The following KIR2DL4 variants were observed in gnomAD, a reference collection of about 807,000 sequenced individuals.
The protein encoded by KIR2DL4 is killer cell immunoglobulin like receptor, two Ig domains and long cytoplasmic tail 4, also known as killer cell immunoglobulin-like receptor 2DL4.
Under a neutral mutation model 31.0 loss-of-function variants are expected in KIR2DL4, and 41 were observed. The ratio of observed to expected loss-of-function variants is 1.32; its 90% CI spans 1.03 to 1.72. The LOEUF is 1.72. Among genes scored for constraint, KIR2DL4 ranks in the 40% most tolerant of loss-of-function variants. The pLI, the probability that KIR2DL4 is intolerant of heterozygous loss-of-function variation, is 0.00. For synonymous variants in KIR2DL4, 164 were observed against 133.6 expected, an observed-to-expected ratio of 1.23 and a Z score of -1.57; for missense variants, 438 against 353.7, an observed-to-expected ratio of 1.24 and a Z score of -1.91.
At chr19:54,814,120 G>A in exon 8 of KIR2DL4, 5 of 1,609,268 alleles carry the variant, frequency 3.1e-6, no homozygotes, top group Non-Finnish European at 4.2e-6. Context: ...GAAGGCGTGA[G>A]TCTCCATCTT....
At chr19:54,813,724 C>G in exon 7 of KIR2DL4, 1 of 1,611,982 alleles carries the variant, frequency 6.2e-7, no homozygotes, top group Admixed American at 1.7e-5. Flanking sequence ...CTGCGGGACA[C>G]AGAACAGTGA....
chr19:54,806,178 G>C, exon 4 of KIR2DL4: 1 of 1,611,478 alleles, frequency 6.2e-7, no homozygotes, highest in Non-Finnish European at 8.5e-7. Context: ...CAGATGCTTC[G>C]GCTCTTTCCA....
Position 54,813,150 on chromosome 19 carries a change from GA to G in KIR2DL4, c.733del (p.Ile245LeufsTer46). ...GTATCGCCAGACACCTGCATGCTGT[GA>G]TTAGGTACTCAGTGGCCATCATCCT... On this transcript the variant is annotated frameshift_variant, in exon 6 of 8. Transcript: ENST00000359085. LOFTEE classifies it high-confidence loss of function. 2.0e-6 allele frequency: 3 copies of G among 1,519,120 alleles called. No homozygotes were observed. Among genetic ancestry groups the G allele is most frequent in the Non-Finnish European group, 2.7e-6 (3 of 1,113,648 alleles). The allele number at this position is 1,519,120 out of a possible 1,614,324, so 94.1% of individuals were successfully genotyped here.
At chr19:54,804,587 C>T (rs986910449) in intron 2 of KIR2DL4, among the ~76,000 whole-genome samples, 3 of 151,278 alleles carry the variant, frequency 2.0e-5, no homozygotes, top group Non-Finnish European at 4.4e-5. Flanking sequence ...GTAAGAGTCC[C>T]TTACTCAGCA....
At chr19:54,813,857 G>C in exon 8 of KIR2DL4, 1 of 1,612,372 alleles carries the variant, frequency 6.2e-7, no homozygotes, top group African/African-American at 1.3e-5. Flanking sequence ...TGATGAACAA[G>C]ACCCTCAGGA....
intron 5 of KIR2DL4, among the ~76,000 whole-genome samples, chr19:54,810,470 G>A (rs1382889332): frequency 2.0e-5 from 3 of 150,694 alleles, no homozygotes; most frequent in Admixed American, 6.6e-5. Flanking sequence ...GTATAATTTC[G>A]GGTGACAGAG....
intron 6 of KIR2DL4, 137 bp from the exon 6 acceptor site, chr19:54,813,552 TG>T (rs2061006190): frequency 1.1e-6 from 1 of 884,458 alleles, no homozygotes; most frequent in African/African-American, 1.7e-5. Context: ...CTCAGAGAGA[TG>T]GAATGTCTGA....
At chr19:54,813,201 C>T (rs1287518814) in exon 6 of KIR2DL4, 2 of 1,531,210 alleles carry the variant, frequency 1.3e-6, no homozygotes, top group African/African-American at 1.9e-5. Flanking sequence ...CCTTCTTTCT[C>T]CTTCATCGCT....
At chr19:54,805,994 G>C in exon 4 of KIR2DL4, 6 of 1,610,140 alleles carry the variant, frequency 3.7e-6, no homozygotes, top group East Asian at 4.5e-5. Flanking sequence ...CGGGCCCCAC[G>C]GTTCGCGCAG....
chr19:54,813,437 C>G (rs1246934075), intron 6 of KIR2DL4: 7 of 774,774 alleles, frequency 9.0e-6, no homozygotes, highest in Non-Finnish European at 1.4e-5. Context: ...CCTCACGTCC[C>G]CTGCAGCCAC....
chr19:54,807,437 T>C (rs2060594037), intron 4 of KIR2DL4, among the ~76,000 whole-genome samples: 1 of 151,506 alleles, frequency 6.6e-6, no homozygotes, highest in Non-Finnish European at 1.5e-5. Flanking sequence ...GGTTTTGTTT[T>C]ATGCTTTTTG....
intron 5 of KIR2DL4, among the ~76,000 whole-genome samples, chr19:54,812,243 G>T (rs1442126594): frequency 6.6e-6 from 1 of 151,256 alleles, no homozygotes; most frequent in Non-Finnish European, 1.5e-5. Context: ...TAAGCAGCGA[G>T]TGACAACAGA....
At chr19:54,805,136 G>C in intron 3 of KIR2DL4, 59 bp downstream of exon 3, 1 of 1,500,038 alleles carries the variant, frequency 6.7e-7, no homozygotes. Context: ...CAGAGCTTCT[G>C]GTGGGGGTGT....
At chr19:54,804,935 C>G in exon 3 of KIR2DL4, 4 of 1,612,254 alleles carry the variant, frequency 2.5e-6, no homozygotes, top group Non-Finnish European at 3.4e-6. Flanking sequence ...TCCCTGAGCT[C>G]TACAACAGAA....
At chr19:54,809,888 C>G in intron 5 of KIR2DL4, among the ~76,000 whole-genome samples, 1 of 150,638 alleles carries the variant, frequency 6.6e-6, no homozygotes, top group Non-Finnish European at 1.5e-5. Flanking sequence ...ATCTGCATTC[C>G]TTTTTTCCAT....
At chr19:54,813,637 T>A in intron 6 of KIR2DL4, 53 bp from the exon 6 acceptor site, 2 of 1,567,748 alleles carry the variant, frequency 1.3e-6, no homozygotes, top group Non-Finnish European at 1.8e-6. Context: ...GTTCATGAAA[T>A]GAGGACCCAG....
In KIR2DL4 at chr19:54,810,105, A is replaced by G. The variant is rs1473785473; in HGVS notation, c.706+1222A>G. 3.4e-4 allele frequency among the ~76,000 whole-genome samples: 50 copies of G among 147,466 alleles called. 1 individual carries two copies. The highest frequency in any genetic ancestry group is 1.2e-3 in the African/African-American group (46 of 39,450). On this transcript the variant is annotated intron_variant, in intron 5 of 7. Transcript: ENST00000359085. Reference sequence around the variant, plus strand: ...ATGATCCATTGGGAAGCATCTGTGCATGAGAATGATTGATTGATTGGTTGT... The same window carrying G: ...ATGATCCATTGGGAAGCATCTGTGCGTGAGAATGATTGATTGATTGGTTGT...
At chr19:54,808,373 T>G (rs1479207099) in intron 4 of KIR2DL4, among the ~76,000 whole-genome samples, 2 of 151,390 alleles carry the variant, frequency 1.3e-5, no homozygotes, top group Non-Finnish European at 2.9e-5. Flanking sequence ...ATCTGATTTT[T>G]GTGTATGGTG....
exon 1 of KIR2DL4, chr19:54,803,676 A>C (rs1326796812): frequency 1.9e-6 from 3 of 1,612,118 alleles, no homozygotes; most frequent in Non-Finnish European, 8.5e-7. Context: ...CACGGTCATC[A>C]TCCTGGCATG....
Sources: allele counts gnomAD v4.1 joint callset (sites outside exome capture counted in the v4.1 genomes callset), GRCh38; gene constraint gnomAD v4.1.1; transcripts MANE v1.5; gene names NCBI Gene and HGNC (gene_info 2026-07-23, HGNC 2026-07-21).